Variants in IFT25 observed in about 807,000 individuals in gnomAD.
IFT25 encodes the protein intraflagellar transport protein 25 homolog.
the IFT25 span, among the ~76,000 whole-genome samples, chr1:53,943,272 GAA>G: frequency 1.3e-5 from 2 of 152,170 alleles, no homozygotes; most frequent in African/African-American, 4.8e-5. Context: ...GGAAGCCAAA[GAA>G]AGGATTCCTG....
chr1:53,924,290 G>T, the IFT25 span, among the ~76,000 whole-genome samples: 8 of 151,938 alleles, frequency 5.3e-5, no homozygotes, highest in African/African-American at 1.9e-4. Context: ...AAAAAAAAGT[G>T]AACATTTGAG....
At chr1:53,937,026 C>A in the IFT25 span, among the ~76,000 whole-genome samples, 2 of 152,140 alleles carry the variant, frequency 1.3e-5, no homozygotes, top group African/African-American at 4.8e-5. Context: ...AAACAATATT[C>A]CATTATCCTG....
chr1:53,919,067 G>C, the IFT25 span, among the ~76,000 whole-genome samples: 1 of 152,152 alleles, frequency 6.6e-6, no homozygotes, highest in Non-Finnish European at 1.5e-5. Flanking sequence ...TTGAACCCCT[G>C]ACCTGAGGTG....
the IFT25 span, chr1:53,928,583 T>G: frequency 1.2e-5 from 7 of 589,182 alleles, no homozygotes; most frequent in East Asian, 2.0e-4. Context: ...GAAGTTACTC[T>G]GTATGTTTCC....
At chr1:53,940,466 G>T in the IFT25 span, among the ~76,000 whole-genome samples, 1 of 151,778 alleles carries the variant, frequency 6.6e-6, no homozygotes, top group African/African-American at 2.4e-5. Context: ...AAGAAAAATG[G>T]GACAAATAGA....
At chr1:53,933,227 C>T in the IFT25 span, among the ~76,000 whole-genome samples, 11 of 151,728 alleles carry the variant, frequency 7.2e-5, no homozygotes, top group African/African-American at 2.4e-4. Context: ...CTCCGCCTCC[C>T]GGGTTCATGC....
chr1:53,919,849 G>A, the IFT25 span, among the ~76,000 whole-genome samples: 1 of 151,486 alleles, frequency 6.6e-6, no homozygotes, highest in Non-Finnish European at 1.5e-5. Context: ...GAGTGCAGTG[G>A]CACAATCATG....
At chr1:53,933,424 G>A in the IFT25 span, among the ~76,000 whole-genome samples, 7 of 152,096 alleles carry the variant, frequency 4.6e-5, no homozygotes, top group South Asian at 2.1e-4. Flanking sequence ...GTGAGCCACC[G>A]CACCCAGCTA....
At chr1:53,940,437 A>G in the IFT25 span, among the ~76,000 whole-genome samples, 1 of 152,248 alleles carries the variant, frequency 6.6e-6, no homozygotes, top group African/African-American at 2.4e-5. Context: ...GAAGGCAGAA[A>G]AAGAGAAACA....
At chr1:53,916,923 C>T in the IFT25 span, 1 of 374,068 alleles carries the variant, frequency 2.7e-6, no homozygotes, top group African/African-American at 2.1e-5. Context: ...GGGCAGATCA[C>T]CTGAGGTCTG....
chr1:53,937,241 C>T, the IFT25 span, among the ~76,000 whole-genome samples: 9 of 152,108 alleles, frequency 5.9e-5, no homozygotes, highest in East Asian at 1.9e-4. Context: ...CTCAGCCTCC[C>T]GAGGAGCTGG....
the IFT25 span, among the ~76,000 whole-genome samples, chr1:53,937,540 T>C: frequency 6.6e-6 from 1 of 152,226 alleles, no homozygotes; most frequent in Admixed American, 6.5e-5. Flanking sequence ...TATTCCATGT[T>C]TTCCCGTACT....
the IFT25 span, among the ~76,000 whole-genome samples, chr1:53,934,439 T>C: frequency 6.6e-6 from 1 of 152,208 alleles, no homozygotes; most frequent in Non-Finnish European, 1.5e-5. Context: ...ATTTTAAATA[T>C]TTTTTTCCTT....
the IFT25 span, among the ~76,000 whole-genome samples, chr1:53,932,183 T>C: frequency 0.017 from 2,662 of 152,264 alleles, 31 homozygotes; most frequent in Non-Finnish European, 0.026. Flanking sequence ...AAACCCCGTC[T>C]CTACTAAAAA....
At chr1:53,924,328 T>C in the IFT25 span, among the ~76,000 whole-genome samples, 6 of 152,118 alleles carry the variant, frequency 3.9e-5, no homozygotes, top group African/African-American at 1.4e-4. Context: ...AAAGGAGCCA[T>C]TTTGCCATAG....
chr1:53,926,654 AT>A, the IFT25 span, among the ~76,000 whole-genome samples: 1 of 151,766 alleles, frequency 6.6e-6, no homozygotes, highest in African/African-American at 2.4e-5. Context: ...CCCTACACAC[AT>A]TTTTTAATGT....
the IFT25 span, among the ~76,000 whole-genome samples, chr1:53,913,096 G>C: frequency 6.6e-6 from 1 of 152,212 alleles, no homozygotes; most frequent in South Asian, 2.1e-4. Context: ...CATGACAGGA[G>C]CTATCTTACC....
chr1:53,911,971 G>A, the IFT25 span, among the ~76,000 whole-genome samples: 4 of 152,250 alleles, frequency 2.6e-5, no homozygotes, highest in Admixed American at 6.5e-5. Context: ...GGGGTTGGAG[G>A]TGGAAGGAGG....
the IFT25 span, among the ~76,000 whole-genome samples, chr1:53,922,318 C>T: frequency 1.5e-4 from 23 of 151,300 alleles, no homozygotes; most frequent in African/African-American, 4.9e-5. Flanking sequence ...CGCTTGAACC[C>T]GGGAGGCAGA....
Sources: allele counts gnomAD v4.1 joint callset (sites outside exome capture counted in the v4.1 genomes callset), GRCh38; gene constraint gnomAD v4.1.1; transcripts MANE v1.5; gene names NCBI Gene and HGNC (gene_info 2026-07-23, HGNC 2026-07-21).